CENPF: variants seen among roughly 807,000 people sequenced by gnomAD.
CENPF encodes centromere protein F.
CENPF carries 214 observed loss-of-function variants against 307.3 expected under a neutral mutation model. The observed-to-expected ratio is 0.70, with a 90% CI of 0.62 to 0.78. The LOEUF is 0.78. Ranked by LOEUF, CENPF falls within the 30% of genes least tolerant of loss-of-function variation. CENPF has a pLI of 0.00. For synonymous variants in CENPF, 1,259 were observed against 1,270.6 expected, an observed-to-expected ratio of 0.99 and a Z score of 0.19; for missense variants, 3,401 against 3,483.9, an observed-to-expected ratio of 0.98 and a Z score of 0.60.
intron 12 of CENPF, among the ~76,000 whole-genome samples, chr1:214,644,069 A>G (rs1658210492): frequency 6.6e-6 from 1 of 152,226 alleles, no homozygotes; most frequent in Non-Finnish European, 1.5e-5. Flanking sequence ...TGAGGCTCAA[A>G]TATGTAATTT....
Position 214,618,606 on chromosome 1 carries a change from T to C in CENPF, c.393T>C (p.Ala131=). ...CTGAGCTTGAAAGAAGCCAACAAGC[T>C]GCGCAGTCTGCAGATGTCTCTCTGA... ...CKSELERSQQ[A]AQSADVSLNP... is the part of the protein sequence containing the mutation. Residue 131 remains alanine (A), a synonymous_variant, in exon 4 of 20, where the codon GCT becomes GCC. Transcript: ENST00000366955. 6.2e-7 allele frequency: 1 copy of C among 1,614,104 alleles called. No homozygotes were observed. Among genetic ancestry groups the C allele is most frequent in the Non-Finnish European group, 8.5e-7 (1 of 1,179,986 alleles).
At chr1:214,607,912 G>T (rs1657080993) in intron 1 of CENPF, among the ~76,000 whole-genome samples, 1 of 152,188 alleles carries the variant, frequency 6.6e-6, no homozygotes, top group Non-Finnish European at 1.5e-5. Flanking sequence ...TCGGGACCTG[G>T]ATGCAGCAGC....
intron 15 of CENPF, among the ~76,000 whole-genome samples, chr1:214,652,444 CTTTTTTTTTT>C (rs34873218): frequency 8.3e-6 from 1 of 120,948 alleles, no homozygotes; most frequent in African/African-American, 3.3e-5. Context: ...TTTTTCTTTT[CTTTTTTTTTT>C]TTTTTTTGAG....
chr1:214,646,104 G>T lies in CENPF; in HGVS notation c.6534G>T (p.Glu2178Asp). 1.2e-6 allele frequency: 2 copies of T among 1,614,012 alleles called. No homozygotes were observed. The highest frequency in any genetic ancestry group is 1.7e-6 in the Non-Finnish European group (2 of 1,180,006). Residue 2178 changes from glutamate to aspartate, a missense_variant, in exon 13 of 20, where the codon GAG (glutamate) becomes GAT (aspartate). Glu to Asp is a conservative substitution (Grantham distance 45, BLOSUM62 2). Coordinates refer to ENST00000366955, the MANE Select transcript of CENPF (RefSeq NM_016343.4). ...ENQELVILDA[E>D]NSKAEVETLK... ...AGGAGCTAGTGATTCTTGATGCCGA[G>T]AATTCCAAAGCAGAAGTAGAGACTC... is the stretch of plus-strand genomic sequence containing the variant.
In CENPF at chr1:214,618,639, C is replaced by T. The variant is rs768336181; in HGVS notation, c.426C>T (p.Cys142=). 2.1e-4 allele frequency: 337 copies of T among 1,613,812 alleles called. No individual in the cohort carries two copies. Among genetic ancestry groups the T allele is most frequent in the Non-Finnish European group, 2.7e-4 (324 of 1,179,872 alleles). ...AQSADVSLNP[C]NTPQKIFTTP... is the part of the protein sequence containing the mutation. ...CTGCAGATGTCTCTCTGAATCCATG[C>T]AATACACCACAAAAAATTTTTACAA... is the stretch of plus-strand genomic sequence containing the variant. Residue 142 remains cysteine, a synonymous_variant, in exon 4 of 20, where the codon TGC becomes TGT. Coordinates refer to ENST00000366955, the MANE Select transcript of CENPF (RefSeq NM_016343.4).
At position 214,660,035 on chromosome 1, in the gene CENPF, G is replaced by A. The variant is rs957341335; in HGVS notation, c.9141+1007G>A. 6.6e-5 allele frequency among the ~76,000 whole-genome samples: 10 copies of A among 152,252 alleles called. No homozygotes were observed. In the South Asian group the frequency reaches 1.5e-3, roughly 22 times the overall value. The stretch of plus-strand genomic sequence containing the variant: ...TGATAATTCATAAGTGAGCAAGCAC[G>A]TTCTTAGGATTTGGGATACCAAATA... On this transcript the variant is annotated intron_variant, in intron 19 of 19. Transcript: ENST00000366955.
At chr1:214,607,996 C>T (rs1385850024) in intron 1 of CENPF, among the ~76,000 whole-genome samples, 1 of 152,218 alleles carries the variant, frequency 6.6e-6, no homozygotes, top group Non-Finnish European at 1.5e-5. Context: ...CCCCAGACAC[C>T]ACCCACTCCC....
chr1:214,663,687 C>A lies in CENPF; in HGVS notation c.9238C>A (p.Pro3080Thr). Residue 3080 changes from proline (P) to threonine (T), a missense_variant, in exon 20 of 20, where the codon CCG becomes ACG. Coordinates refer to ENST00000366955, the MANE Select transcript of CENPF (RefSeq NM_016343.4). ...VPVNNLPERS[P>T]TDSPREGLRV... ...AGTCAATAATCTTCCTGAGAGAAGT[C>A]CGACTGACAGCCCCAGAGAGGGCCT... 6.2e-7 allele frequency: 1 copy of A among 1,614,052 alleles called. No homozygotes were observed. The highest frequency in any genetic ancestry group is 8.5e-7 in the Non-Finnish European group (1 of 1,180,022).
At chr1:214,614,065 T>A in intron 2 of CENPF, 149 bp downstream of exon 2, 1 of 648,734 alleles carries the variant, frequency 1.5e-6, no homozygotes, top group Non-Finnish European at 2.3e-6. Flanking sequence ...AGGTGGTAAT[T>A]CCTCTCCCCT....
intron 1 of CENPF, among the ~76,000 whole-genome samples, chr1:214,606,371 T>A (rs147335836): frequency 0.03 from 4,628 of 152,154 alleles, 107 homozygotes; most frequent in Middle Eastern, 0.088. Flanking sequence ...GGGGCGGAGG[T>A]AGGGGAGGCC....
At chr1:214,606,755 C>A (rs1660435236) in intron 1 of CENPF, among the ~76,000 whole-genome samples, 2 of 152,062 alleles carry the variant, frequency 1.3e-5, no homozygotes, top group African/African-American at 4.8e-5. Context: ...CCCAGGGCCA[C>A]CCCCACCCCC....
intron 3 of CENPF, among the ~76,000 whole-genome samples, chr1:214,616,853 CTTT>C (rs1657358505): frequency 7.3e-5 from 1 of 13,656 alleles, no homozygotes; most frequent in African/African-American, 2.2e-4. Context: ...TTCTTTCTTT[CTTT>C]CTTTCTTTCT....
chr1:214,618,778 T>G, intron 4 of CENPF, 84 bp downstream of exon 4: 3 of 1,346,680 alleles, frequency 2.2e-6, no homozygotes, highest in Non-Finnish European at 3.1e-6. Flanking sequence ...TTAATTCAAC[T>G]TTGAATTAAA....
chr1:214,662,757 C>T (rs1006463105), intron 19 of CENPF, among the ~76,000 whole-genome samples: 9 of 151,714 alleles, frequency 5.9e-5, no homozygotes, highest in African/African-American at 1.7e-4. Flanking sequence ...CTTTTTTGAC[C>T]GTGTATCTTT....
At position 214,651,889 on chromosome 1, in the gene CENPF, G is replaced by A. The variant is rs749097653; in HGVS notation, c.8160+3G>A. On this transcript the variant is annotated splice_donor_region_variant and intron_variant, in intron 15 of 19. Coordinates refer to ENST00000366955, the MANE Select transcript of CENPF (RefSeq NM_016343.4). ...TGCTTTTGGACACAAACAAACAGGT[G>A]AAATGTGGGGTTTGGTTACTGGGGG... 1.3e-6 allele frequency: 2 copies of A among 1,592,616 alleles called. No individual in the cohort carries two copies. Among genetic ancestry groups the A allele is most frequent in the East Asian group, 4.5e-5 (2 of 44,692 alleles).
chr1:214,643,793 T>C (rs934747155), intron 12 of CENPF, among the ~76,000 whole-genome samples: 3 of 152,224 alleles, frequency 2.0e-5, no homozygotes, highest in Non-Finnish European at 4.4e-5. Context: ...CTAAACAGTT[T>C]TCTCTCTAAC....
intron 1 of CENPF, among the ~76,000 whole-genome samples, chr1:214,604,311 T>C (rs76296577): frequency 0.03 from 4,629 of 152,242 alleles, 107 homozygotes; most frequent in Middle Eastern, 0.088. Flanking sequence ...CTGCAAGTCC[T>C]CCATGCAGGA....
In CENPF at chr1:214,642,231, A is replaced by G. The variant is rs751350367; in HGVS notation, c.3893A>G (p.Asn1298Ser). Residue 1298 changes from asparagine to serine, a missense_variant, in exon 12 of 20, where the codon AAC (asparagine) becomes AGC (serine). Transcript: ENST00000366955. The stretch of plus-strand genomic sequence containing the variant: ...CAGTGCTCTCTGCAAACAACAATGA[A>G]CAAGCTGAATGAGCTAGAGAAAATA... ...HLQCSLQTTM[N>S]KLNELEKICE... is the part of the protein sequence containing the mutation. 11 of 1,614,028 alleles carry G rather than the reference A, an allele frequency of 6.8e-6. No individual in the cohort carries two copies. Among genetic ancestry groups the G allele is most frequent in the African/African-American group, 4.0e-5 (3 of 74,936 alleles).
At position 214,645,297 on chromosome 1, in the gene CENPF, G is replaced by A. The variant is rs764529633; in HGVS notation, c.5727G>A (p.Ser1909=). ...DVENELSRIR[S]EKASIEHEAL... is the part of the protein sequence containing the mutation. The stretch of plus-strand genomic sequence containing the variant: ...AAAATGAGCTGAGTAGGATCAGATC[G>A]GAGAAAGCTAGCATTGAGCATGAAG... Residue 1909 remains serine, a synonymous_variant, in exon 13 of 20, where the codon TCG becomes TCA. Coordinates refer to ENST00000366955, the MANE Select transcript of CENPF (RefSeq NM_016343.4). The A allele has an allele frequency of 2.9e-5, 47 of 1,613,976 alleles. 1 individual carries two copies. In the South Asian group the frequency reaches 3.8e-4, roughly 13 times the overall value.
Sources: gnomAD v4.1 joint callset for allele counts (sites outside exome capture counted in the v4.1 genomes callset) on GRCh38, gnomAD v4.1.1 for gene constraint, MANE v1.5 for transcripts, NCBI Gene and HGNC (gene_info 2026-07-23, HGNC 2026-07-21) for gene names.